Variants in MOXD1 observed in about 807,000 individuals in gnomAD.
The protein encoded by MOXD1 is monooxygenase DBH like 1.
A neutral mutation model predicts 66.6 loss-of-function variants in MOXD1; 62 were observed. The ratio of observed to expected loss-of-function variants is 0.93; its 90% confidence interval spans 0.76 to 1.15. MOXD1 has a LOEUF of 1.15. Ranked by LOEUF, MOXD1 falls within the 50% of genes most tolerant of loss-of-function variation. The probability of loss-of-function intolerance (pLI) is 0.00; values close to 1 mark genes in which losing one functional copy is unlikely to be tolerated. For synonymous variants in MOXD1, 303 were observed against 281.9 expected, an observed-to-expected ratio of 1.07 and a Z score of -0.75; for missense variants, 847 against 754.6, an observed-to-expected ratio of 1.12 and a Z score of -1.44.
At chr6:132,335,886 G>T (rs1775425619) in intron 4 of MOXD1, among the ~76,000 whole-genome samples, 1 of 152,062 alleles carries the variant, frequency 6.6e-6, no homozygotes, top group Admixed American at 6.6e-5. Flanking sequence ...AGCTAAATAG[G>T]TTTTTTTATT....
rs1016765435 is a variant in MOXD1, at chr6:132,401,474, G to A, written c.-48C>T. On this transcript the variant is annotated 5_prime_UTR_variant, in exon 1 of 12. Coordinates refer to ENST00000367963, the MANE Select transcript of MOXD1 (RefSeq NM_015529.4). ...GGTACCGGCCTCCAGCCGCTGGGGA[G>A]TGAGGAGCAGAACGAGGAGCGGCAG... 30 of 1,419,322 alleles carry A rather than the reference G, an allele frequency of 2.1e-5. No homozygotes were observed. The African/African-American group carries it at 3.3e-4, about 16-fold the overall frequency. 87.9% of individuals were successfully genotyped at this position (1,419,322 alleles called of 1,614,324 possible).
intron 10 of MOXD1, among the ~76,000 whole-genome samples, chr6:132,299,011 T>C (rs1175466056): frequency 6.6e-6 from 1 of 152,154 alleles, no homozygotes; most frequent in African/African-American, 2.4e-5. Context: ...AGCAAAGACA[T>C]GGAATCAACC....
intron 10 of MOXD1, among the ~76,000 whole-genome samples, chr6:132,309,687 A>C (rs1774779865): frequency 6.6e-6 from 1 of 152,222 alleles, no homozygotes; most frequent in Admixed American, 6.5e-5. Flanking sequence ...AGCAGAACAA[A>C]GACCTCAGAA....
At chr6:132,362,875 A>G (rs535613041) in intron 4 of MOXD1, among the ~76,000 whole-genome samples, 20 of 152,290 alleles carry the variant, frequency 1.3e-4, no homozygotes, top group Admixed American at 3.3e-4. Flanking sequence ...TTTTGCAGCC[A>G]TAATCTTTAG....
chr6:132,314,073 A>AG (rs2114553470), intron 10 of MOXD1, among the ~76,000 whole-genome samples: 1 of 152,288 alleles, frequency 6.6e-6, no homozygotes, highest in East Asian at 1.9e-4. Context: ...TCCACCAGCC[A>AG]TTCTAATTCT....
chr6:132,352,889 C>G (rs1328959582), intron 4 of MOXD1, among the ~76,000 whole-genome samples: 3 of 152,090 alleles, frequency 2.0e-5, no homozygotes, highest in African/African-American at 7.2e-5. Context: ...TTTAATATCC[C>G]TCTTTTTCTC....
At chr6:132,359,121 C>CA (rs1342533217) in intron 4 of MOXD1, among the ~76,000 whole-genome samples, 2 of 138,440 alleles carry the variant, frequency 1.4e-5, no homozygotes, top group East Asian at 4.3e-4. Context: ...TGCAGCTTTC[C>CA]TTTTTTTTTT....
chr6:132,313,337 G>T (rs1774872013), intron 10 of MOXD1, among the ~76,000 whole-genome samples: 1 of 152,090 alleles, frequency 6.6e-6, no homozygotes, highest in African/African-American at 2.4e-5. Context: ...AAAATACTTA[G>T]TAAACTATAA....
intron 4 of MOXD1, among the ~76,000 whole-genome samples, chr6:132,331,200 G>A (rs557663055): frequency 1.3e-5 from 2 of 152,296 alleles, no homozygotes; most frequent in African/African-American, 2.4e-5. Context: ...GGTCCTCCAA[G>A]GGGGACAGGG....
At chr6:132,361,632 A>G (rs1400701760) in intron 4 of MOXD1, among the ~76,000 whole-genome samples, 1 of 152,096 alleles carries the variant, frequency 6.6e-6, no homozygotes, top group Non-Finnish European at 1.5e-5. Flanking sequence ...TCACTTGGGG[A>G]ACTTTTCCCA....
At chr6:132,303,687 G>A in intron 10 of MOXD1, among the ~76,000 whole-genome samples, 1 of 135,802 alleles carries the variant, frequency 7.4e-6, no homozygotes, top group Non-Finnish European at 1.5e-5. Flanking sequence ...ATCTGGGAAA[G>A]CAGAGGGCTG....
rs367890727 is a variant in MOXD1 at position 132,320,696 on chromosome 6, A to T, written c.1306-8T>A. 18 of 1,608,754 alleles carry T rather than the reference A, an allele frequency of 1.1e-5. No homozygotes were observed. The highest frequency in any genetic ancestry group is 8.5e-7 in the Non-Finnish European group (1 of 1,177,546). ...AGTAATTAGGTTATCTCCCTGAAACATAAAAGCAAAAGCTTTCAGATTGAA... is the reference window on the plus strand; with the variant it reads ...AGTAATTAGGTTATCTCCCTGAAACTTAAAAGCAAAAGCTTTCAGATTGAA... On this transcript the variant is annotated splice_region_variant and splice_polypyrimidine_tract_variant and intron_variant, in intron 8 of 11. Coordinates refer to ENST00000367963, the MANE Select transcript of MOXD1 (RefSeq NM_015529.4).
In MOXD1 at chr6:132,307,512, AG is replaced by A. The variant is rs1334839123; in HGVS notation, c.1508+8122del. The stretch of plus-strand genomic sequence containing the variant: ...AGGACTTGAAATCAGCTCTGGATCA[AG>A]TGGACCTAGTAGACGTCTACCGAAC... On this transcript the variant is annotated intron_variant, in intron 10 of 11. Transcript: ENST00000367963. Among the ~76,000 whole-genome samples the A allele has an allele frequency of 2.6e-5, 4 of 152,356 alleles. No homozygotes were observed. In the East Asian group the frequency reaches 7.7e-4, roughly 29 times the overall value.
At chr6:132,329,012 C>T (rs556130918) in intron 4 of MOXD1, among the ~76,000 whole-genome samples, 131 of 151,936 alleles carry the variant, frequency 8.6e-4, no homozygotes, top group African/African-American at 3.0e-3. Context: ...ATGTGCACAA[C>T]GTGGAGGTTT....
intron 2 of MOXD1, 39 bp from the exon 3 acceptor site, chr6:132,373,036 G>A (rs761793130): frequency 6.4e-7 from 1 of 1,550,392 alleles, no homozygotes; most frequent in Non-Finnish European, 8.7e-7. Context: ...TCTCATGAGA[G>A]CACTTTCCTT....
At chr6:132,394,248 C>T (rs997770582) in intron 1 of MOXD1, among the ~76,000 whole-genome samples, 1 of 152,126 alleles carries the variant, frequency 6.6e-6, no homozygotes, top group Non-Finnish European at 1.5e-5. Flanking sequence ...ATACAACCAC[C>T]CACACCTAGA....
At chr6:132,391,045 T>C (rs1776749409) in intron 1 of MOXD1, 1 of 151,430 alleles carries the variant, frequency 6.6e-6, no homozygotes, top group Non-Finnish European at 1.5e-5. Flanking sequence ...CTCAGAGGAA[T>C]AAATCCAGGC....
intron 4 of MOXD1, 68 bp from the exon 5 acceptor site, chr6:132,328,662 G>T (rs1157563600): frequency 7.1e-7 from 1 of 1,407,172 alleles, no homozygotes; most frequent in Non-Finnish European, 9.8e-7. Context: ...CACAACAAAC[G>T]TGAAACTAGC....
chr6:132,361,318 CA>C (rs202139650), intron 4 of MOXD1, among the ~76,000 whole-genome samples: 152 of 133,604 alleles, frequency 1.1e-3, no homozygotes, highest in South Asian at 3.4e-3. Context: ...CCATTTTCAC[CA>C]AAAAAAAAAA....
Sources: allele counts gnomAD v4.1 joint callset (sites outside exome capture counted in the v4.1 genomes callset), GRCh38; gene constraint gnomAD v4.1.1; transcripts MANE v1.5; gene names NCBI Gene and HGNC (gene_info 2026-07-23, HGNC 2026-07-21).